LRMDA: variants seen among roughly 807,000 people sequenced by gnomAD.
The protein encoded by LRMDA is leucine rich melanocyte differentiation associated.
In LRMDA, 18 loss-of-function variants were observed where a neutral mutation model predicts 29.8. The observed-to-expected ratio is 0.60, with a 90% CI of 0.42 to 0.90. The LOEUF (loss-of-function observed/expected upper bound fraction) is 0.90. Among genes scored for constraint, LRMDA ranks in the 40% least tolerant of loss-of-function variants. LRMDA has a pLI of 0.00. For synonymous variants in LRMDA, 125 were observed against 109.4 expected, an observed-to-expected ratio of 1.14 and a Z score of -0.89; for missense variants, 273 against 273.9, an observed-to-expected ratio of 1.00 and a Z score of 0.02.
At chr10:76,143,747 T>C (rs1236962866) in intron 5 of LRMDA, among the ~76,000 whole-genome samples, 1 of 152,242 alleles carries the variant, frequency 6.6e-6, no homozygotes, top group African/African-American at 2.4e-5. Flanking sequence ...TTTTGGGGTT[T>C]TAAACATGAA....
rs1849982983 is a variant in LRMDA at position 76,131,011 on chromosome 10, A to G, written c.516+72228A>G. Among the ~76,000 whole-genome samples, 6 of 152,142 alleles carry G rather than the reference A, an allele frequency of 3.9e-5. No individual in the cohort carries two copies. In the South Asian group the frequency reaches 1.2e-3, roughly 32 times the overall value. On this transcript the variant is annotated intron_variant, in intron 5 of 6. Transcript: ENST00000611255. ...GCAAGTGGAGTAATCTTCCAAGGGC[A>G]TGATTTTGATTATGTATTTTTTCAT...
intron 6 of LRMDA, among the ~76,000 whole-genome samples, chr10:76,466,340 G>A (rs11001788): frequency 0.25 from 37,592 of 151,818 alleles, 5,529 homozygotes; most frequent in Non-Finnish European, 0.34. Context: ...GGAGAGGAGC[G>A]TTTCCTTTCT....
chr10:75,833,065 C>T (rs1844373803), intron 2 of LRMDA, among the ~76,000 whole-genome samples: 2 of 152,102 alleles, frequency 1.3e-5, no homozygotes, highest in Non-Finnish European at 2.9e-5. Context: ...GTATGTTGTC[C>T]TTTTGTCCTC....
At chr10:76,053,246 C>T (rs1476785246) in intron 4 of LRMDA, among the ~76,000 whole-genome samples, 2 of 152,086 alleles carry the variant, frequency 1.3e-5, no homozygotes, top group Admixed American at 1.3e-4. Flanking sequence ...ATCAATAGCT[C>T]GTGGAAGCTG....
chr10:76,239,587 C>T (rs1488911934), intron 5 of LRMDA, among the ~76,000 whole-genome samples: 2 of 150,904 alleles, frequency 1.3e-5, no homozygotes, highest in Non-Finnish European at 1.5e-5. Context: ...CTCTCTGTTT[C>T]TCTCTCTGTC....
chr10:75,852,536 C>T (rs1844748896), intron 2 of LRMDA, among the ~76,000 whole-genome samples: 1 of 98,628 alleles, frequency 1.0e-5, no homozygotes, highest in Admixed American at 1.1e-4. Flanking sequence ...ACAACAACAA[C>T]AACAACAAAA....
intron 5 of LRMDA, among the ~76,000 whole-genome samples, chr10:76,062,915 G>C (rs982354787): frequency 1.3e-5 from 2 of 152,138 alleles, no homozygotes; most frequent in Non-Finnish European, 2.9e-5. Context: ...ATAGATCAAA[G>C]GGGTGCAGAG....
intron 2 of LRMDA, among the ~76,000 whole-genome samples, chr10:75,760,268 C>T (rs1182726709): frequency 6.6e-6 from 1 of 152,074 alleles, no homozygotes; most frequent in Non-Finnish European, 1.5e-5. Flanking sequence ...TTTGGAGTCC[C>T]ATTAATATAG....
chr10:75,526,883 T>C (rs1056077292), intron 2 of LRMDA, among the ~76,000 whole-genome samples: 3 of 151,098 alleles, frequency 2.0e-5, no homozygotes, highest in Non-Finnish European at 4.4e-5. Flanking sequence ...CAAAACATAA[T>C]ATGAAATGTA....
intron 2 of LRMDA, among the ~76,000 whole-genome samples, chr10:75,998,298 G>C (rs1847506648): frequency 6.6e-6 from 1 of 151,960 alleles, no homozygotes; most frequent in Non-Finnish European, 1.5e-5. Flanking sequence ...GCTCCTTTTT[G>C]CTCCTTGTCT....
At chr10:75,863,191 G>A (rs538290273) in intron 2 of LRMDA, among the ~76,000 whole-genome samples, 4 of 152,020 alleles carry the variant, frequency 2.6e-5, no homozygotes, top group African/African-American at 9.7e-5. Flanking sequence ...ATGGCTGGTT[G>A]TGCATCGCTT....
At chr10:75,751,659 A>G (rs952804924) in intron 2 of LRMDA, among the ~76,000 whole-genome samples, 2 of 152,160 alleles carry the variant, frequency 1.3e-5, no homozygotes, top group African/African-American at 2.4e-5. Flanking sequence ...GGTCCTCACC[A>G]TCACTGTTAT....
intron 2 of LRMDA, among the ~76,000 whole-genome samples, chr10:75,692,564 C>CGT (rs10553888): frequency 0.016 from 2,216 of 140,208 alleles, 46 homozygotes; most frequent in Admixed American, 0.061. Flanking sequence ...CATATGTATA[C>CGT]GTGTGTGTGT....
intron 2 of LRMDA, among the ~76,000 whole-genome samples, chr10:75,925,361 A>T (rs1276898236): frequency 6.6e-6 from 1 of 152,144 alleles, no homozygotes; most frequent in African/African-American, 2.4e-5. Flanking sequence ...TCTCCGTAAG[A>T]CATACCACAT....
At chr10:76,545,175 TA>T (rs1843404594) in intron 6 of LRMDA, among the ~76,000 whole-genome samples, 4 of 64,016 alleles carry the variant, frequency 6.2e-5, no homozygotes, top group Non-Finnish European at 1.2e-4. Flanking sequence ...TTTTGTTTTT[TA>T]TTTTGTTTTT....
chr10:76,481,788 T>C (rs1842735584), intron 6 of LRMDA, among the ~76,000 whole-genome samples: 1 of 151,916 alleles, frequency 6.6e-6, no homozygotes, highest in South Asian at 2.1e-4. Flanking sequence ...ATACTGGGCT[T>C]CTCTAATATT....
chr10:75,535,588 A>C (rs1839936201), intron 2 of LRMDA, among the ~76,000 whole-genome samples: 1 of 152,158 alleles, frequency 6.6e-6, no homozygotes, highest in African/African-American at 2.4e-5. Context: ...AACTAATGCA[A>C]ATCACCCAGA....
At chr10:75,480,382 G>A (rs1473760221) in intron 2 of LRMDA, among the ~76,000 whole-genome samples, 3 of 149,436 alleles carry the variant, frequency 2.0e-5, no homozygotes, top group Non-Finnish European at 3.0e-5. Context: ...CAGGCAGAAC[G>A]AGTGTATTCA....
At chr10:75,597,878 A>G (rs541852039) in intron 2 of LRMDA, among the ~76,000 whole-genome samples, 1 of 152,118 alleles carries the variant, frequency 6.6e-6, no homozygotes, top group African/African-American at 2.4e-5. Context: ...TGAAATTTGT[A>G]CAAATCAGTT....
Sources: gnomAD v4.1 joint callset for allele counts (sites outside exome capture counted in the v4.1 genomes callset) on GRCh38, gnomAD v4.1.1 for gene constraint, MANE v1.5 for transcripts, NCBI Gene and HGNC (gene_info 2026-07-23, HGNC 2026-07-21) for gene names.